BUD23: variants seen among roughly 807,000 people sequenced by gnomAD.
BUD23 encodes 18S rRNA (guanine-N(7))-methyltransferase.
Under a neutral mutation model 47.0 loss-of-function variants are expected in BUD23, and 34 were observed. The observed-to-expected ratio is 0.72, with a 90% CI of 0.55 to 0.96. The LOEUF is 0.96. Among genes scored for constraint, BUD23 ranks in the 40% least tolerant of loss-of-function variants. The pLI is 0.00. For missense variants in BUD23, 343 were observed against 361.2 expected, an observed-to-expected ratio of 0.95 and a Z score of 0.41; for synonymous variants, 124 against 132.0, an observed-to-expected ratio of 0.94 and a Z score of 0.41.
chr7:73,693,759 G>A, intron 9 of BUD23, 90 bp downstream of exon 9: 2 of 1,556,120 alleles, frequency 1.3e-6, no homozygotes, highest in Non-Finnish European at 1.8e-6. Flanking sequence ...GAGAACACTG[G>A]TGGGGAAGCA....
chr7:73,691,013 G>A lies in BUD23; in HGVS notation c.459+1G>A, dbSNP rs782026198. 1.9e-6 allele frequency: 3 copies of A among 1,613,622 alleles called. No individual in the cohort carries two copies. Among genetic ancestry groups the A allele is most frequent in the Non-Finnish European group, 2.5e-6 (3 of 1,179,654 alleles). ...TTTTGCTTCTCTTTTTTCTGTTCTCGTGAGTATAAGATCTTCTCCCCATCT... is the reference window on the plus strand; with the variant it reads ...TTTTGCTTCTCTTTTTTCTGTTCTCATGAGTATAAGATCTTCTCCCCATCT... On this transcript the variant is annotated splice_donor_variant, in intron 6 of 11. Transcript: ENST00000265758. LOFTEE classifies it high-confidence loss of function.
chr7:73,692,720 A>G, intron 7 of BUD23, 74 bp downstream of exon 7: 1 of 1,454,898 alleles, frequency 6.9e-7, no homozygotes. Context: ...GGAAGCGACA[A>G]AGAATCTTAT....
At chr7:73,697,729 G>A in intron 11 of BUD23, 35 bp downstream of exon 11, 1 of 1,483,010 alleles carries the variant, frequency 6.7e-7, no homozygotes, top group African/African-American at 2.5e-5. Flanking sequence ...AGGGTGGGTG[G>A]GGGGTGGATG....
At chr7:73,693,454 G>A (rs1798270778) in intron 8 of BUD23, 40 bp downstream of exon 8, 2 of 1,611,128 alleles carry the variant, frequency 1.2e-6, no homozygotes, top group East Asian at 4.5e-5. Flanking sequence ...GGCTGCAGGA[G>A]GGAGGGTAGT....
At chr7:73,694,185 C>A (rs781909966) in intron 10 of BUD23, 135 bp downstream of exon 10, 21 of 946,368 alleles carry the variant, frequency 2.2e-5, no homozygotes, top group Non-Finnish European at 3.1e-5. Context: ...GTAGAAACAT[C>A]AGGTCCCATT....
At chr7:73,692,749 G>A in intron 7 of BUD23, 103 bp downstream of exon 7, 1 of 1,167,898 alleles carries the variant, frequency 8.6e-7, no homozygotes, top group Non-Finnish European at 1.3e-6. Flanking sequence ...GCGGGAAAAG[G>A]AGGAAACATG....
In BUD23 at chr7:73,697,939, C is replaced by T; in HGVS notation, c.*53C>T. 3.9e-6 allele frequency: 6 copies of T among 1,557,142 alleles called. No homozygotes were observed. The highest frequency in any genetic ancestry group is 5.2e-6 in the Non-Finnish European group (6 of 1,154,364). On this transcript the variant is annotated 3_prime_UTR_variant, in exon 12 of 12. Transcript: ENST00000265758. ...TGCCTCTGCACTTTTCTATATTGTTCAGCTGACAAAGTAGTATTTTAGAAA... is the reference window on the plus strand; with the variant it reads ...TGCCTCTGCACTTTTCTATATTGTTTAGCTGACAAAGTAGTATTTTAGAAA...
At chr7:73,685,896 C>A (rs1554612906) in intron 2 of BUD23, among the ~76,000 whole-genome samples, 1 of 151,260 alleles carries the variant, frequency 6.6e-6, no homozygotes, top group Admixed American at 6.6e-5. Flanking sequence ...ATAGAGAAAT[C>A]CTGGCTAACA....
chr7:73,683,647 C>T lies in BUD23; in HGVS notation c.22C>T (p.Pro8Ser). 1 of 1,612,648 alleles carries T rather than the reference C, an allele frequency of 6.2e-7. No homozygotes were observed. Among genetic ancestry groups the T allele is most frequent in the Non-Finnish European group, 8.5e-7 (1 of 1,179,616 alleles). The change falls in exon 1 of 12, where the codon CCG (proline) becomes TCG (serine). Residue 8 changes from proline (P) to serine (S), a missense_variant. Transcript: ENST00000265758. MASRGRR[P>S]EHGGPPELFY... ...GAGAATGGCGTCCCGCGGCCGGCGT[C>T]CGGAGCATGGCGGACCCCCAGAGCT... is the stretch of plus-strand genomic sequence containing the variant.
At chr7:73,684,626 G>GGA (rs1797873099) in intron 2 of BUD23, among the ~76,000 whole-genome samples, 6 of 128,328 alleles carry the variant, frequency 4.7e-5, no homozygotes, top group Non-Finnish European at 8.2e-5. Flanking sequence ...AAGGGGGGGG[G>GGA]ATGGGGGCGG....
At position 73,686,854 on chromosome 7, in the gene BUD23, T is replaced by A. The variant is rs781863238; in HGVS notation, c.219T>A (p.Asp73Glu). The change falls in exon 4 of 12, where the codon GAT (aspartate) becomes GAA (glutamate). Residue 73 changes from aspartate (D) to glutamate (E), a missense_variant. By Grantham distance (45) the Asp-to-Glu change is conservative. Coordinates refer to ENST00000265758, the MANE Select transcript of BUD23 (RefSeq NM_017528.5). ...GTGLSGSYLS[D>E]EGHYWVGLDI... ...GGCTGAGTGGAAGTTATCTGTCAGA[T>A]GAAGGGCACTATTGGGTGGGCCTGG... 1 of 1,614,228 alleles carries A rather than the reference T, an allele frequency of 6.2e-7. No individual in the cohort carries two copies. Among genetic ancestry groups the A allele is most frequent in the Non-Finnish European group, 8.5e-7 (1 of 1,180,034 alleles).
rs199819049 is a variant in BUD23, at chr7:73,687,519, CCCT to C, written c.362+429_362+431del. On this transcript the variant is annotated intron_variant, in intron 5 of 11. Transcript: ENST00000265758. ...TTCAATCTCTTGACCTTGTGATCCA[CCCT>C]CCTCGGCCTCCCAAAGTGCTGGGAT... Among the ~76,000 whole-genome samples the C allele has an allele frequency of 8.6e-3, 1,308 of 152,302 alleles. 32 individuals carry two copies. The highest frequency in any genetic ancestry group is 0.038 in the Admixed American group (583 of 15,302).
chr7:73,697,400 A>C, intron 10 of BUD23: 1 of 1,531,926 alleles, frequency 6.5e-7, no homozygotes, highest in Middle Eastern at 1.8e-4. Context: ...CCCACCCAAC[A>C]ACCTCTGTGG....
At chr7:73,689,000 G>A (rs1798085993) in intron 5 of BUD23, among the ~76,000 whole-genome samples, 1 of 152,184 alleles carries the variant, frequency 6.6e-6, no homozygotes, top group Non-Finnish European at 1.5e-5. Flanking sequence ...TGTATGTTTC[G>A]GAAGGGGATG....
In BUD23 at chr7:73,686,650, A is replaced by C. The variant is rs782157986; in HGVS notation, c.101A>C (p.Asp34Ala). ...TGCCTTACCAGCTCACGGATGATTG[A>C]TATCCAGACCAGGATGGCTGGGCGA... ...RKYVRNSRMI[D>A]IQTRMAGRAL... The change falls in exon 3 of 12, where the codon GAT (aspartate) becomes GCT (alanine). Residue 34 changes from aspartate to alanine, a missense_variant. Asp to Ala is a moderately radical substitution (Grantham distance 126, BLOSUM62 -2). Coordinates refer to ENST00000265758, the MANE Select transcript of BUD23 (RefSeq NM_017528.5). 6.2e-7 allele frequency: 1 copy of C among 1,614,070 alleles called. No individual in the cohort carries two copies. The highest frequency in any genetic ancestry group is 8.5e-7 in the Non-Finnish European group (1 of 1,180,010).
At chr7:73,684,421 T>C (rs1245329937) in intron 2 of BUD23, among the ~76,000 whole-genome samples, 8 of 150,626 alleles carry the variant, frequency 5.3e-5, no homozygotes, top group Non-Finnish European at 1.0e-4. Context: ...CCCCTCTGCC[T>C]CTCCAGTAGT....
rs553327706 is a variant in BUD23 at position 73,683,818 on chromosome 7, G to C, written c.86+14G>C. On this transcript the variant is annotated intron_variant, in intron 2 of 11. Transcript: ENST00000265758. ...ATACGTTCGCAAGTGAGGGGAGCCT[G>C]AATACTGCGGGGCGTCCGGGGGTCG... 1.2e-6 allele frequency: 2 copies of C among 1,614,234 alleles called. No individual in the cohort carries two copies. Among genetic ancestry groups the C allele is most frequent in the African/African-American group, 1.3e-5 (1 of 75,058 alleles).
In BUD23 at chr7:73,683,673, G is replaced by A; in HGVS notation, c.48G>A (p.Leu16=). Residue 16 remains leucine (L), a splice_region_variant and synonymous_variant, in exon 1 of 12, where the codon CTG becomes CTA. Coordinates refer to ENST00000265758, the MANE Select transcript of BUD23 (RefSeq NM_017528.5). ...RRPEHGGPPE[L]FYDETEARKY... is the part of the protein sequence containing the mutation. ...CGGAGCATGGCGGACCCCCAGAGCT[G>A]GTAAGTCCCGGGGCCCGCGGACACC... 6.2e-7 allele frequency: 1 copy of A among 1,613,604 alleles called. No individual in the cohort carries two copies. The highest frequency in any genetic ancestry group is 1.1e-5 in the South Asian group (1 of 91,076).
At chr7:73,696,376 T>C (rs1554614859) in intron 10 of BUD23, 1 of 152,236 alleles carries the variant, frequency 6.6e-6, no homozygotes, top group Non-Finnish European at 1.5e-5. Flanking sequence ...CCAGGGGAAG[T>C]ACACATTGCC....
Sources: allele counts gnomAD v4.1 joint callset (sites outside exome capture counted in the v4.1 genomes callset), GRCh38; gene constraint gnomAD v4.1.1; transcripts MANE v1.5; gene names NCBI Gene and HGNC (gene_info 2026-07-23, HGNC 2026-07-21).